TTC3: variants seen among roughly 807,000 people sequenced by gnomAD.
TTC3 encodes tetratricopeptide repeat domain 3, also known as E3 ubiquitin-protein ligase TTC3.
TTC3 carries 180 observed loss-of-function variants against 249.6 expected under a neutral mutation model. The observed-to-expected ratio is 0.72, with a 90% CI of 0.64 to 0.82. The LOEUF (loss-of-function observed/expected upper bound fraction) is 0.82. TTC3 is among the 40% of genes least tolerant of loss of function. The probability of loss-of-function intolerance (pLI) is 0.00; values close to 1 mark genes in which losing one functional copy is unlikely to be tolerated. For synonymous variants in TTC3, 717 were observed against 805.0 expected, an observed-to-expected ratio of 0.89 and a Z score of 1.85; for missense variants, 2,061 against 2,398.4, an observed-to-expected ratio of 0.86 and a Z score of 2.94.
intron 7 of TTC3, among the ~76,000 whole-genome samples, chr21:37,092,371 G>A (rs771807011): frequency 7.2e-5 from 11 of 152,174 alleles, no homozygotes; most frequent in Non-Finnish European, 1.5e-4. Flanking sequence ...GATAGAGGTT[G>A]TTCTCTTCAT....
At chr21:37,179,451 A>G (rs1448170447) in intron 35 of TTC3, among the ~76,000 whole-genome samples, 1 of 152,188 alleles carries the variant, frequency 6.6e-6, no homozygotes, top group African/African-American at 2.4e-5. Context: ...TTGCAGCACA[A>G]AAGTTTTTAC....
At chr21:37,202,287 C>T (rs1602239545) in exon 46 of TTC3, 2 of 152,292 alleles carry the variant, frequency 1.3e-5, no homozygotes, top group East Asian at 1.9e-4. Context: ...TAATTAGTAT[C>T]GACTAAGACT....
intron 14 of TTC3, 21 bp downstream of exon 14, chr21:37,124,763 CAG>C: frequency 6.2e-7 from 1 of 1,603,364 alleles, no homozygotes. Flanking sequence ...TTGAAAACTA[CAG>C]TTTTTTTCAA....
At chr21:37,195,097 C>G (rs775986425) in intron 41 of TTC3, 5 of 152,388 alleles carry the variant, frequency 3.3e-5, no homozygotes, top group Non-Finnish European at 7.3e-5. Context: ...TTCCAAAACA[C>G]TGACTTTGAG....
rs201503330 is a variant in TTC3, at chr21:37,135,517, A to G, written c.1578+3A>G. Reference sequence around the variant, plus strand: ...GTTTAGATCCTCAAAAAATAAAGGTAAATTTGCCATATCATAACTTGTTTA... The same window carrying G: ...GTTTAGATCCTCAAAAAATAAAGGTGAATTTGCCATATCATAACTTGTTTA... On this transcript the variant is annotated splice_donor_region_variant and intron_variant, in intron 18 of 45. Coordinates refer to ENST00000355666, the Ensembl canonical transcript of TTC3. The G allele has an allele frequency of 8.7e-6, 14 of 1,611,344 alleles. No homozygotes were observed. Among genetic ancestry groups the G allele is most frequent in the Admixed American group, 1.7e-5 (1 of 59,456 alleles).
At chr21:37,178,736 G>C (rs992338790) in intron 35 of TTC3, among the ~76,000 whole-genome samples, 8 of 152,168 alleles carry the variant, frequency 5.3e-5, no homozygotes, top group Admixed American at 3.9e-4. Flanking sequence ...AAGGCAGAAA[G>C]ATCGCTTGAG....
At chr21:37,154,362 A>G (rs1569078103) in intron 27 of TTC3, among the ~76,000 whole-genome samples, 1 of 152,176 alleles carries the variant, frequency 6.6e-6, no homozygotes, top group Non-Finnish European at 1.5e-5. Context: ...GCCAGAAGAG[A>G]CGATGTAAGA....
chr21:37,088,789 T>A lies in TTC3; in HGVS notation c.339-10T>A, dbSNP rs373455362. 3 of 1,605,906 alleles carry A rather than the reference T, an allele frequency of 1.9e-6. No homozygotes were observed. In the African/African-American group the frequency reaches 4.0e-5, roughly 22 times the overall value. On this transcript the variant is annotated splice_polypyrimidine_tract_variant and intron_variant, in intron 4 of 45. Transcript: ENST00000355666. ...AATCTAATCTTTTAAAAAATAAATT[T>A]GTCTTTAAGCAATTCACGTGCTTCT...
rs1379463610 is a variant in TTC3, at chr21:37,182,853, T to C, written c.4697T>C (p.Ile1566Thr). Residue 1566 changes from isoleucine (I) to threonine (T), a missense_variant, in exon 36 of 46, where the codon ATC becomes ACC. Around this residue, in one of 3 missense-constraint regions of TTC3, gnomAD observed 1,040 missense variants for 1,186.1 expected, o/e 0.88. Transcript: ENST00000355666. ...AAATGGCAACAGGAAAAAAAAGAAA[T>C]CCAAGAAAGACTAAAATCACTGAAG... 3.8e-6 allele frequency: 6 copies of C among 1,593,802 alleles called. No homozygotes were observed. The Admixed American group carries it at 7.2e-5, about 19-fold the overall frequency.
chr21:37,087,850 T>C (rs1330122748), exon 3 of TTC3: 1 of 1,597,364 alleles, frequency 6.3e-7, no homozygotes, highest in Non-Finnish European at 8.5e-7. Flanking sequence ...AATATAAAGA[T>C]TATATCCAAA....
intron 30 of TTC3, 39 bp from the exon 31 acceptor site, chr21:37,161,951 G>T: frequency 2.2e-6 from 3 of 1,390,294 alleles, no homozygotes; most frequent in South Asian, 1.4e-5. Context: ...GGAATTTTAA[G>T]GTAGAAAATC....
intron 35 of TTC3, among the ~76,000 whole-genome samples, chr21:37,173,901 G>A (rs2082017554): frequency 1.3e-5 from 2 of 152,130 alleles, no homozygotes; most frequent in South Asian, 2.1e-4. Flanking sequence ...GTGACACATG[G>A]AACACAAGTT....
chr21:37,200,518 C>T (rs2275967), intron 45 of TTC3, among the ~76,000 whole-genome samples, 194 bp downstream of exon 45: 13,018 of 152,248 alleles, frequency 0.086, 1,460 homozygotes, highest in African/African-American at 0.25. Flanking sequence ...CTCTGGAGAC[C>T]GTCCTTTCCA....
chr21:37,093,704 G>A (rs1490753241), intron 7 of TTC3, among the ~76,000 whole-genome samples: 1 of 151,990 alleles, frequency 6.6e-6, no homozygotes, highest in Non-Finnish European at 1.5e-5. Flanking sequence ...AGCATTTATT[G>A]TAAATACAAT....
In TTC3 at chr21:37,122,969, G is replaced by A. The variant is rs755644925; in HGVS notation, c.1064-14G>A. 1.6e-5 allele frequency: 24 copies of A among 1,461,542 alleles called. No homozygotes were observed. In the South Asian group the frequency reaches 2.8e-4, roughly 17 times the overall value. 90.5% of individuals were successfully genotyped at this position (1,461,542 alleles called of 1,614,324 possible). A position where few individuals can be genotyped will look rare whatever the true frequency, so the allele number is the denominator to read the frequency against. ...TTGATTACTATGTGTGTGTGTGTGT[G>A]ATGACTTTTATAGGTCGAACAGCAA... is the stretch of plus-strand genomic sequence containing the variant. On this transcript the variant is annotated splice_polypyrimidine_tract_variant and intron_variant, in intron 12 of 45. Coordinates refer to ENST00000355666, the Ensembl canonical transcript of TTC3.
chr21:37,167,136 A>T (rs1237664810), intron 33 of TTC3, among the ~76,000 whole-genome samples: 2 of 152,240 alleles, frequency 1.3e-5, no homozygotes, highest in Non-Finnish European at 2.9e-5. Flanking sequence ...ACACAGGCCC[A>T]GCTTCTCCTG....
At chr21:37,130,863 C>A (rs1205285299) in intron 16 of TTC3, among the ~76,000 whole-genome samples, 1 of 152,100 alleles carries the variant, frequency 6.6e-6, no homozygotes, top group Admixed American at 6.5e-5. Context: ...CCTTTGTGCA[C>A]CTGTTCATGT....
intron 25 of TTC3, among the ~76,000 whole-genome samples, chr21:37,151,444 C>G (rs2079459221): frequency 6.6e-6 from 1 of 151,790 alleles, no homozygotes; most frequent in Admixed American, 6.6e-5. Flanking sequence ...CAAGAAAAAG[C>G]AAAAGAAAAG....
intron 13 of TTC3, among the ~76,000 whole-genome samples, chr21:37,123,526 A>G (rs969629654): frequency 2.6e-5 from 4 of 152,234 alleles, no homozygotes; most frequent in Non-Finnish European, 4.4e-5. Flanking sequence ...CAAGAAAGCA[A>G]TAGCAGCCAG....
Sources: gnomAD v4.1 joint callset for allele counts (sites outside exome capture counted in the v4.1 genomes callset) on GRCh38, gnomAD v4.1.1 for gene constraint, gnomAD v4.1.1 regional missense constraint, MANE v1.5 for transcripts, NCBI Gene and HGNC (gene_info 2026-07-23, HGNC 2026-07-21) for gene names.